Variants in BEND3 observed in about 807,000 individuals in gnomAD.
BEND3 encodes BEN domain-containing protein 3.
BEND3 carries 13 observed loss-of-function variants against 60.1 expected under a neutral mutation model. The observed-to-expected ratio is 0.22, with a 90% CI of 0.14 to 0.34. BEND3 has a LOEUF of 0.34. Among genes scored for constraint, BEND3 ranks in the 10% least tolerant of loss-of-function variants. The pLI is 1.00. For synonymous variants in BEND3, 497 were observed against 491.5 expected (o/e 1.01, Z -0.15); for missense variants, 896 against 1,138.1 (o/e 0.79, Z 3.06).
Position 107,069,314 on chromosome 6 carries a change from T to A in BEND3, c.1877A>T (p.Lys626Ile), listed in dbSNP as rs782511095. 6.2e-7 allele frequency: 1 copy of A among 1,613,398 alleles called. No individual in the cohort carries two copies. The highest frequency in any genetic ancestry group is 8.5e-7 in the Non-Finnish European group (1 of 1,179,884). Residue 626 changes from lysine to isoleucine, a missense_variant, in exon 4 of 4, where the codon AAA becomes ATA. Lys to Ile is a moderately radical substitution (Grantham distance 102). Coordinates refer to ENST00000369042, the MANE Select transcript of BEND3 (RefSeq NM_001367314.1). The part of the protein sequence containing the change: ...HYVQLLYPRA[K>I]NDRVWTLEFV... ...CTCCAGGGTCCAGACGCGGTCGTTT[T>A]TGGCGCGTGGGTAGAGCAGCTGCAC... is the stretch of plus-strand genomic sequence containing the variant.
At chr6:107,109,774 T>A (rs1359866827) in intron 1 of BEND3, among the ~76,000 whole-genome samples, 1 of 151,962 alleles carries the variant, frequency 6.6e-6, no homozygotes, top group African/African-American at 2.4e-5. Context: ...CTCAGGAGGC[T>A]GAGGCAGGAG....
At chr6:107,109,459 T>A (rs868955018) in intron 1 of BEND3, among the ~76,000 whole-genome samples, 104 of 20,640 alleles carry the variant, frequency 5.0e-3, no homozygotes, top group South Asian at 9.2e-3. Flanking sequence ...AAAAAAAAAA[T>A]CGAGGTGGGG....
chr6:107,087,140 T>C (rs1775369311), intron 3 of BEND3, among the ~76,000 whole-genome samples: 1 of 151,222 alleles, frequency 6.6e-6, no homozygotes, highest in African/African-American at 2.4e-5. Flanking sequence ...GAGACCAGCC[T>C]GGTCAACATG....
intron 3 of BEND3, among the ~76,000 whole-genome samples, chr6:107,090,404 G>A (rs1554235012): frequency 6.6e-6 from 1 of 152,060 alleles, no homozygotes; most frequent in African/African-American, 2.4e-5. Flanking sequence ...ATGTTCAAAG[G>A]ATTTCTTCAG....
intron 3 of BEND3, among the ~76,000 whole-genome samples, chr6:107,080,869 G>C (rs535730150): frequency 6.6e-6 from 1 of 151,832 alleles, no homozygotes; most frequent in East Asian, 1.9e-4. Context: ...GGGTGACAGA[G>C]AGAGATTCCA....
At position 107,068,753 on chromosome 6, in the gene BEND3, T is replaced by C. The variant is rs1554231245; in HGVS notation, c.2438A>G (p.Asn813Ser). The change falls in exon 4 of 4, where the codon AAC becomes AGC. Residue 813 changes from asparagine to serine, a missense_variant. By Grantham distance (46) the Asn-to-Ser change is conservative. Around this residue, in one of 4 missense-constraint regions of BEND3, gnomAD observed 16 missense variants for 18.0 expected, o/e 0.89. Coordinates refer to ENST00000369042, the MANE Select transcript of BEND3 (RefSeq NM_001367314.1). The surrounding 1 kb of genome is among the most constrained non-coding windows in gnomAD (Gnocchi z 5.8). ...CTTGAGGATGTCGCATTTTTTCCTG[T>C]TGGGGCGGCGGCACCTCTCATCGAT... ...PSIDERCRRP[N>S]RKKCDILKKA... 1 of 1,613,986 alleles carries C rather than the reference T, an allele frequency of 6.2e-7. No individual in the cohort carries two copies. Among genetic ancestry groups the C allele is most frequent in the Non-Finnish European group, 8.5e-7 (1 of 1,180,024 alleles).
chr6:107,099,402 A>C (rs782700996), intron 1 of BEND3, 106 bp from the exon 2 acceptor site: 98 of 937,428 alleles, frequency 1.0e-4, no homozygotes, highest in Non-Finnish European at 1.5e-4. Context: ...AGCTCTAGGT[A>C]ACAGAGCAGC....
intron 1 of BEND3, among the ~76,000 whole-genome samples, chr6:107,112,896 C>A (rs1442528981): frequency 6.6e-6 from 1 of 151,026 alleles, no homozygotes; most frequent in Non-Finnish European, 1.5e-5. Context: ...CGGTGGCTCA[C>A]GCCTGTAATC....
chr6:107,090,656 G>A (rs1345534409), intron 3 of BEND3, among the ~76,000 whole-genome samples: 2 of 151,968 alleles, frequency 1.3e-5, no homozygotes, highest in Admixed American at 6.6e-5. Context: ...GGAGGAATTT[G>A]GACTCTTTTG....
intron 1 of BEND3, among the ~76,000 whole-genome samples, chr6:107,114,649 C>G (rs1419995648): frequency 1.4e-5 from 2 of 143,932 alleles, no homozygotes; most frequent in African/African-American, 4.9e-5. Flanking sequence ...CAAGCCGCCG[C>G]GAGTACGGCA....
chr6:107,099,362 C>T, intron 1 of BEND3, 66 bp from the exon 2 acceptor site: 1 of 1,443,548 alleles, frequency 6.9e-7, no homozygotes, highest in South Asian at 1.2e-5. Context: ...TTTCTCTACC[C>T]ACAGAAAATC....
At chr6:107,074,290 T>C (rs4946809) in intron 3 of BEND3, among the ~76,000 whole-genome samples, 128,410 of 152,064 alleles carry the variant, frequency 0.84, 54,404 homozygotes, top group African/African-American at 0.91. Context: ...TGGCGCGTGC[T>C]TGTAATCCCA....
intron 3 of BEND3, among the ~76,000 whole-genome samples, chr6:107,074,296 TC>T (rs1775053663): frequency 6.6e-6 from 1 of 152,042 alleles, no homozygotes; most frequent in Non-Finnish European, 1.5e-5. Context: ...GTGCTTGTAA[TC>T]CCAGCTACTC....
At chr6:107,094,999 T>C (rs183909158) in intron 3 of BEND3, among the ~76,000 whole-genome samples, 7 of 152,016 alleles carry the variant, frequency 4.6e-5, no homozygotes, top group African/African-American at 1.4e-4. Context: ...TTTTTTGTAT[T>C]TTTTGTAGAG....
chr6:107,069,676 G>C lies in BEND3; in HGVS notation c.1515C>G (p.Pro505=), dbSNP rs782671110. 1.2e-6 allele frequency: 2 copies of C among 1,609,570 alleles called. No homozygotes were observed. Among genetic ancestry groups the C allele is most frequent in the Admixed American group, 1.7e-5 (1 of 59,996 alleles). ...CCACCTTGACCACTGAGATGTCGTC[G>C]GGCAGACTGGAGGAGTCGTAGCAGT... ...RDDCYDSSSL[P]DDISVVKVED... The change falls in exon 4 of 4, where the codon CCC becomes CCG. Residue 505 remains proline, a synonymous_variant. Coordinates refer to ENST00000369042, the MANE Select transcript of BEND3 (RefSeq NM_001367314.1).
At position 107,070,624 on chromosome 6, in the gene BEND3, G is replaced by A. The variant is rs1317662342; in HGVS notation, c.567C>T (p.Asp189=). Residue 189 remains aspartate (D), a synonymous_variant, in exon 4 of 4, where the codon GAC becomes GAT. Coordinates refer to ENST00000369042, the MANE Select transcript of BEND3 (RefSeq NM_001367314.1). This position sits in a 1 kb window ranked among gnomAD's most constrained non-coding sequence, Gnocchi z 6.9. ...CGSTGAGTDN[D]PNIYFLIQKM... is the part of the protein sequence containing the mutation. ...TCTGGATCAGGAAGTAGATGTTGGG[G>A]TCGTTGTCAGTGCCTGCCCCGGTGC... is the stretch of plus-strand genomic sequence containing the variant. 6.2e-7 allele frequency: 1 copy of A among 1,612,094 alleles called. No individual in the cohort carries two copies. The highest frequency in any genetic ancestry group is 2.2e-5 in the East Asian group (1 of 44,890).
chr6:107,083,072 G>T (rs2115009257), intron 3 of BEND3, among the ~76,000 whole-genome samples: 1 of 152,210 alleles, frequency 6.6e-6, no homozygotes, highest in East Asian at 1.9e-4. Flanking sequence ...ATATAAAATT[G>T]GAAAACATCT....
At chr6:107,089,000 G>A (rs1012787010) in intron 3 of BEND3, among the ~76,000 whole-genome samples, 15 of 152,038 alleles carry the variant, frequency 9.9e-5, no homozygotes, top group African/African-American at 3.6e-4. Flanking sequence ...ACAAAACTTA[G>A]CTGGGCGTGA....
chr6:107,098,794 G>A, intron 2 of BEND3, 41 bp from the exon 3 acceptor site: 1 of 1,572,486 alleles, frequency 6.4e-7, no homozygotes, highest in Non-Finnish European at 8.7e-7. Flanking sequence ...GAAAAACCAG[G>A]GCTGCTCAGA....
Sources: gnomAD v4.1 joint callset for allele counts (sites outside exome capture counted in the v4.1 genomes callset) on GRCh38, gnomAD v4.1.1 for gene constraint, gnomAD v4.1.1 regional missense constraint, Gnocchi (gnomAD v3.1) non-coding constraint, MANE v1.5 for transcripts, NCBI Gene and HGNC (gene_info 2026-07-23, HGNC 2026-07-21) for gene names.